The following CORO2A variants were observed in gnomAD, a reference collection of about 807,000 sequenced individuals.
CORO2A encodes coronin-2A.
CORO2A carries 47 observed loss-of-function variants against 62.4 expected under a neutral mutation model. That is an observed-to-expected ratio of 0.75 (90% confidence interval 0.60 to 0.96). The LOEUF (loss-of-function observed/expected upper bound fraction) is 0.96, where lower values mean the gene tolerates loss of function less well. CORO2A is among the 40% of genes least tolerant of loss of function. The pLI is 0.00. For missense variants in CORO2A, 610 were observed against 684.1 expected, an observed-to-expected ratio of 0.89 and a Z score of 1.21; for synonymous variants, 273 against 268.9, an observed-to-expected ratio of 1.02 and a Z score of -0.15.
chr9:98,174,757 G>T (rs2118918877), intron 1 of CORO2A, among the ~76,000 whole-genome samples: 1 of 152,214 alleles, frequency 6.6e-6, no homozygotes, highest in South Asian at 2.1e-4. Context: ...CGTCATGATT[G>T]TAAGTTTCCT....
chr9:98,162,704 G>A (rs900771744), intron 1 of CORO2A, among the ~76,000 whole-genome samples: 5 of 152,230 alleles, frequency 3.3e-5, no homozygotes, highest in Non-Finnish European at 4.4e-5. Flanking sequence ...CGCCTGTGTC[G>A]TTTTGTGGGT....
At position 98,157,674 on chromosome 9, in the gene CORO2A, A is replaced by T; in HGVS notation, c.1-14T>A. 1 of 1,608,104 alleles carries T rather than the reference A, an allele frequency of 6.2e-7. No individual in the cohort carries two copies. On this transcript the variant is annotated splice_polypyrimidine_tract_variant and intron_variant, in intron 1 of 11. Transcript: ENST00000375077. ...GTGCCATGACATCTGCAGGAGACAA[A>T]TGGGACAAAGGGTATGAGGCTCACT...
At position 98,128,747 on chromosome 9, in the gene CORO2A, G is replaced by C. The variant is rs377513173; in HGVS notation, c.968-28C>G. On this transcript the variant is annotated intron_variant, in intron 8 of 11. Transcript: ENST00000375077. ...GAAGGCAGACAGGGAGGGCCAAGAG[G>C]TTCTGGCTAGGCTGGGGCCACAGTG... The C allele has an allele frequency of 7.5e-6, 12 of 1,596,336 alleles. No individual in the cohort carries two copies. The African/African-American group carries it at 1.6e-4, about 21-fold the overall frequency.
At chr9:98,153,989 T>C (rs1289794307) in intron 2 of CORO2A, among the ~76,000 whole-genome samples, 3 of 152,156 alleles carry the variant, frequency 2.0e-5, no homozygotes, top group African/African-American at 4.8e-5. Flanking sequence ...CTTGCTAATA[T>C]GATGATTTAT....
At chr9:98,190,951 A>G (rs1287938093) in intron 1 of CORO2A, among the ~76,000 whole-genome samples, 1 of 152,238 alleles carries the variant, frequency 6.6e-6, no homozygotes, top group Non-Finnish European at 1.5e-5. Context: ...GCACTACTTC[A>G]GCCCTAGAAT....
At chr9:98,185,546 C>T (rs1392800767) in intron 1 of CORO2A, among the ~76,000 whole-genome samples, 2 of 152,214 alleles carry the variant, frequency 1.3e-5, no homozygotes, top group East Asian at 3.9e-4. Flanking sequence ...TTGCTGGAGG[C>T]TCGTATCTGA....
At chr9:98,191,222 C>T (rs1828301925) in intron 1 of CORO2A, among the ~76,000 whole-genome samples, 1 of 152,332 alleles carries the variant, frequency 6.6e-6, no homozygotes, top group East Asian at 1.9e-4. Context: ...TGCAGAGGGG[C>T]TCCGGCTCTC....
At chr9:98,159,574 C>T (rs1452972142) in intron 1 of CORO2A, among the ~76,000 whole-genome samples, 1 of 151,612 alleles carries the variant, frequency 6.6e-6, no homozygotes, top group Non-Finnish European at 1.5e-5. Context: ...TTGCCATTCC[C>T]ATGCCCCCAC....
At chr9:98,165,802 T>C (rs1827951007) in intron 1 of CORO2A, among the ~76,000 whole-genome samples, 1 of 152,234 alleles carries the variant, frequency 6.6e-6, no homozygotes, top group Non-Finnish European at 1.5e-5. Context: ...CAGTCCCCCA[T>C]TAACCATATC....
At chr9:98,159,022 C>T (rs894279433) in intron 1 of CORO2A, among the ~76,000 whole-genome samples, 14 of 151,854 alleles carry the variant, frequency 9.2e-5, no homozygotes, top group Admixed American at 6.6e-4. Context: ...TTCTGAATAC[C>T]AAGCCCTCAC....
chr9:98,136,139 G>A (rs867740903), intron 3 of CORO2A, among the ~76,000 whole-genome samples: 1 of 152,226 alleles, frequency 6.6e-6, no homozygotes, highest in Non-Finnish European at 1.5e-5. Context: ...CAGGCAATGA[G>A]GCTAGCAAGA....
rs1316714321 is a variant in CORO2A at position 98,121,391 on chromosome 9, C to T, written c.*3383G>A. 1 of 151,786 alleles carries T rather than the reference C, an allele frequency of 6.6e-6. No homozygotes were observed. Among genetic ancestry groups the T allele is most frequent in the Non-Finnish European group, 1.5e-5 (1 of 67,996 alleles). 9.4% of individuals were successfully genotyped at this position (151,786 alleles called of 1,614,324 possible). A position where few individuals can be genotyped will look rare whatever the true frequency, so the allele number is the denominator to read the frequency against. On this transcript the variant is annotated 3_prime_UTR_variant, in exon 12 of 12. Transcript: ENST00000375077. ...TGAATGTGCTAGGCAAGTTCCACTACATCAGCTCAAGAACATAAACAAAAA... is the reference window on the plus strand; with the variant it reads ...TGAATGTGCTAGGCAAGTTCCACTATATCAGCTCAAGAACATAAACAAAAA...
In CORO2A at chr9:98,132,287, T is replaced by C. The variant is rs747455545; in HGVS notation, c.663A>G (p.Lys221=). The C allele has an allele frequency of 6.2e-7, 1 of 1,613,914 alleles. No homozygotes were observed. Among genetic ancestry groups the C allele is most frequent in the South Asian group, 1.1e-5 (1 of 91,066 alleles). The change falls in exon 6 of 12, where the codon AAA becomes AAG. Residue 221 remains lysine (K), a synonymous_variant. Transcript: ENST00000375077. ...AGTVLQEASY[K]GHRASKVLFL... is the part of the protein sequence containing the mutation. ...ACAGCACTTTGCTGGCCCGGTGCCC[T>C]TTGTAGCTGGCCTCCTGGAGGGACA...
intron 2 of CORO2A, among the ~76,000 whole-genome samples, chr9:98,156,808 C>T (rs1588004291): frequency 6.6e-6 from 1 of 152,176 alleles, no homozygotes; most frequent in East Asian, 1.9e-4. Flanking sequence ...TGGATGCTTT[C>T]CTCTGGAGAG....
rs1046393294 is a variant in CORO2A, at chr9:98,186,305, G to C, written c.-1+6254C>G. ...GCGGGGGGAGGGGCTAGGTTTGGGG[G>C]ATGGTATCTTAATGGAACCCACCAA... On this transcript the variant is annotated intron_variant, in intron 1 of 11. Coordinates refer to ENST00000375077, the MANE Select transcript of CORO2A (RefSeq NM_052820.4). 5.3e-5 allele frequency among the ~76,000 whole-genome samples: 8 copies of C among 151,714 alleles called. No individual in the cohort carries two copies. The East Asian group carries it at 1.5e-3, about 29-fold the overall frequency.
At chr9:98,134,682 G>C in intron 4 of CORO2A, 124 bp downstream of exon 4, 1 of 1,141,584 alleles carries the variant, frequency 8.8e-7, no homozygotes, top group South Asian at 1.6e-5. Context: ...GGAGGGAGCT[G>C]GCTCTCCCAA....
At chr9:98,152,481 GGTTTCTCTA>G (rs1054980912) in intron 2 of CORO2A, among the ~76,000 whole-genome samples, 1 of 151,774 alleles carries the variant, frequency 6.6e-6, no homozygotes, top group African/African-American at 2.4e-5. Context: ...GTAGAGATGG[GGTTTCTCTA>G]TGTTGCTGGT....
In CORO2A at chr9:98,142,744, C is replaced by T. The variant is rs535427626; in HGVS notation, c.202-5056G>A. On this transcript the variant is annotated intron_variant, in intron 2 of 11. Transcript: ENST00000375077. ...GGCCTAGCCCTAGACAGCTTCTCTT[C>T]CTTCTCAGCCTTCTCTTCCTTCTCA... is the stretch of plus-strand genomic sequence containing the variant. Among the ~76,000 whole-genome samples the T allele has an allele frequency of 5.9e-5, 9 of 152,290 alleles. No individual in the cohort carries two copies. In the East Asian group the frequency reaches 1.4e-3, roughly 23 times the overall value.
chr9:98,190,217 A>G (rs1564223467), intron 1 of CORO2A, among the ~76,000 whole-genome samples: 1 of 152,140 alleles, frequency 6.6e-6, no homozygotes, highest in Non-Finnish European at 1.5e-5. Flanking sequence ...ACAGCACTAC[A>G]TATGTCTCTC....
Sources: allele counts gnomAD v4.1 joint callset (sites outside exome capture counted in the v4.1 genomes callset), GRCh38; gene constraint gnomAD v4.1.1; transcripts MANE v1.5; gene names NCBI Gene and HGNC (gene_info 2026-07-23, HGNC 2026-07-21).